Variants in CALCRL observed in about 807,000 individuals in gnomAD.
The protein encoded by CALCRL is calcitonin gene-related peptide type 1 receptor.
Under a neutral mutation model 60.4 loss-of-function variants are expected in CALCRL, and 27 were observed. The observed-to-expected ratio is 0.45, with a 90% CI of 0.33 to 0.62. CALCRL has a LOEUF of 0.62. CALCRL is among the 20% of genes least tolerant of loss of function. The pLI is 0.03. For missense variants in CALCRL, 424 were observed against 540.7 expected, an observed-to-expected ratio of 0.78 and a Z score of 2.14; for synonymous variants, 190 against 182.6, an observed-to-expected ratio of 1.04 and a Z score of -0.33.
intron 1 of CALCRL, among the ~76,000 whole-genome samples, chr2:187,415,068 C>T (rs1195857893): frequency 1.3e-5 from 2 of 151,914 alleles, no homozygotes; most frequent in African/African-American, 4.8e-5. Flanking sequence ...CAAGTCAAAG[C>T]CAGATAGGCA....
At chr2:187,413,308 C>G (rs3821180) in intron 1 of CALCRL, among the ~76,000 whole-genome samples, 43,763 of 151,990 alleles carry the variant, frequency 0.29, 6,597 homozygotes, top group Middle Eastern at 0.41. Flanking sequence ...AGGATTTCAA[C>G]AAGACTGAAA....
chr2:187,378,825 C>G (rs1224248509), intron 8 of CALCRL, 115 bp downstream of exon 8: 1 of 585,978 alleles, frequency 1.7e-6, no homozygotes, highest in African/African-American at 1.9e-5. Flanking sequence ...TTATTTTAAA[C>G]ATTATAAATC....
chr2:187,407,444 AAAC>A (rs1444981056), intron 1 of CALCRL, among the ~76,000 whole-genome samples: 3 of 152,120 alleles, frequency 2.0e-5, no homozygotes, highest in African/African-American at 2.4e-5. Context: ...TTTTTGAAGA[AAAC>A]AAGCAAAAAA....
At chr2:187,378,810 T>C in intron 8 of CALCRL, 130 bp downstream of exon 8, 3 of 555,112 alleles carry the variant, frequency 5.4e-6, no homozygotes, top group Non-Finnish European at 6.3e-6. Context: ...TCAACTTATT[T>C]CAACTTATTT....
In CALCRL at chr2:187,390,240, A is replaced by G. The variant is rs553292415; in HGVS notation, c.-292-2484T>C. Among the ~76,000 whole-genome samples, 44 of 152,254 alleles carry G rather than the reference A, an allele frequency of 2.9e-4. No individual in the cohort carries two copies. The South Asian group carries it at 8.9e-3, about 31-fold the overall frequency. ...TGCATTTGGAAGACATAAAGGTTAA[A>G]CCACATTTAGGGCACTGTAGTACAT... On this transcript the variant is annotated intron_variant, in intron 1 of 14. Coordinates refer to ENST00000392370, the MANE Select transcript of CALCRL (RefSeq NM_005795.6).
chr2:187,396,426 A>T (rs886914475), intron 1 of CALCRL, among the ~76,000 whole-genome samples: 1 of 151,792 alleles, frequency 6.6e-6, no homozygotes, highest in Non-Finnish European at 1.5e-5. Flanking sequence ...CATCATTGGA[A>T]CAGGCTTAAT....
At chr2:187,419,400 C>T (rs11896404) in intron 1 of CALCRL, among the ~76,000 whole-genome samples, 63,946 of 151,900 alleles carry the variant, frequency 0.42, 14,003 homozygotes, top group African/African-American at 0.52. Flanking sequence ...CCTCTGCAAA[C>T]AGAGAAGAGA....
intron 8 of CALCRL, among the ~76,000 whole-genome samples, chr2:187,373,252 G>A (rs140154200): frequency 1.3e-4 from 19 of 151,964 alleles, no homozygotes; most frequent in Non-Finnish European, 2.5e-4. Context: ...AATTATTTTC[G>A]TTAATTCTAG....
intron 8 of CALCRL, among the ~76,000 whole-genome samples, chr2:187,371,650 C>A (rs1424834880): frequency 6.6e-6 from 1 of 151,546 alleles, no homozygotes; most frequent in Admixed American, 6.6e-5. Flanking sequence ...GCAGGAGAAT[C>A]GCTTGAACCC....
intron 8 of CALCRL, among the ~76,000 whole-genome samples, chr2:187,377,465 C>T (rs1055753930): frequency 2.2e-4 from 33 of 152,100 alleles, no homozygotes; most frequent in African/African-American, 7.7e-4. Context: ...AGATGGGTCA[C>T]TCTGGAAGAA....
chr2:187,425,633 TAAG>T (rs1690085084), intron 1 of CALCRL, among the ~76,000 whole-genome samples: 1 of 151,962 alleles, frequency 6.6e-6, no homozygotes, highest in Admixed American at 6.6e-5. Context: ...ATTTTCATGA[TAAG>T]AAAAAAGTAT....
intron 7 of CALCRL, 39 bp downstream of exon 7, chr2:187,380,428 A>G (rs1362783936): frequency 4.2e-6 from 5 of 1,179,450 alleles, no homozygotes; most frequent in Admixed American, 3.4e-5. Flanking sequence ...GTTTAAACAG[A>G]TACTGTAAGT....
chr2:187,446,034 G>T (rs1691163778), intron 1 of CALCRL, among the ~76,000 whole-genome samples: 1 of 151,362 alleles, frequency 6.6e-6, no homozygotes, highest in Non-Finnish European at 1.5e-5. Flanking sequence ...AAAAAATCTT[G>T]TAACAATAAT....
intron 1 of CALCRL, among the ~76,000 whole-genome samples, chr2:187,396,282 C>T (rs1005011875): frequency 1.3e-5 from 2 of 151,792 alleles, no homozygotes; most frequent in Non-Finnish European, 2.9e-5. Context: ...ATTCAAGAAA[C>T]GTCTAGTTCT....
rs572352803 is a variant in CALCRL, at chr2:187,347,482, G to A, written c.1171-1083C>T. Reference sequence around the variant, plus strand: ...AATTTTCTGGTAATTCATTTTCTACGTACTGAGGTATAATTGTTTAACTTT... The same window carrying A: ...AATTTTCTGGTAATTCATTTTCTACATACTGAGGTATAATTGTTTAACTTT... On this transcript the variant is annotated intron_variant, in intron 14 of 14. Coordinates refer to ENST00000392370, the MANE Select transcript of CALCRL (RefSeq NM_005795.6). Among the ~76,000 whole-genome samples, 6 of 151,808 alleles carry A rather than the reference G, an allele frequency of 4.0e-5. No homozygotes were observed. In the East Asian group the frequency reaches 5.8e-4, roughly 15 times the overall value.
intron 14 of CALCRL, 99 bp from the exon 15 acceptor site, chr2:187,346,498 C>CT (rs947004142): frequency 5.1e-6 from 4 of 778,176 alleles, no homozygotes; most frequent in Admixed American, 6.1e-5. Flanking sequence ...TGGAGAAGAG[C>CT]TTTTTTAAAA....
chr2:187,417,932 T>C lies in CALCRL; in HGVS notation c.-293+30107A>G, dbSNP rs367585548. On this transcript the variant is annotated intron_variant, in intron 1 of 14. Coordinates refer to ENST00000392370, the MANE Select transcript of CALCRL (RefSeq NM_005795.6). ...AACCCACAGTATAGGATTTTTCACATTTACAAAGTGTCAAGTGTTTACTTC... is the reference window on the plus strand; with the variant it reads ...AACCCACAGTATAGGATTTTTCACACTTACAAAGTGTCAAGTGTTTACTTC... Among the ~76,000 whole-genome samples, 5 of 152,308 alleles carry C rather than the reference T, an allele frequency of 3.3e-5. No homozygotes were observed. The East Asian group carries it at 9.6e-4, about 29-fold the overall frequency.
chr2:187,378,898 A>G (rs777036926), intron 8 of CALCRL, 42 bp downstream of exon 8: 10 of 1,158,418 alleles, frequency 8.6e-6, no homozygotes, highest in Non-Finnish European at 1.3e-5. Flanking sequence ...CATTCACCCA[A>G]GACATCTAGT....
chr2:187,354,796 C>G (rs1380432915), intron 12 of CALCRL, among the ~76,000 whole-genome samples: 1 of 151,996 alleles, frequency 6.6e-6, no homozygotes, highest in African/African-American at 2.4e-5. Context: ...TTTACATGAA[C>G]AGATGTTTCC....
Sources: allele counts gnomAD v4.1 joint callset (sites outside exome capture counted in the v4.1 genomes callset), GRCh38; gene constraint gnomAD v4.1.1; transcripts MANE v1.5; gene names NCBI Gene and HGNC (gene_info 2026-07-23, HGNC 2026-07-21).